Variants in PLCH1 observed in about 807,000 individuals in gnomAD.
The protein encoded by PLCH1 is 1-phosphatidylinositol 4,5-bisphosphate phosphodiesterase eta-1.
Under a neutral mutation model 126.7 loss-of-function variants are expected in PLCH1, and 60 were observed. That is an observed-to-expected ratio of 0.47 (90% CI 0.38 to 0.59). PLCH1 has a LOEUF of 0.59. PLCH1 is among the 20% of genes least tolerant of loss of function. The pLI is 0.00. For synonymous variants in PLCH1, 719 were observed against 734.9 expected (o/e 0.98, Z 0.35); for missense variants, 1,723 against 2,040.0 (o/e 0.84, Z 2.99).
At chr3:155,494,645 A>T in intron 15 of PLCH1, 128 bp from the exon 16 acceptor site, 1 of 715,534 alleles carries the variant, frequency 1.4e-6, no homozygotes, top group Non-Finnish European at 2.3e-6. Context: ...AGTGGATTCA[A>T]CCAGAGTAGA....
At chr3:155,741,687 T>TTATTTTTTTTTTATTTTTA (rs1380144671) in intron 1 of PLCH1, among the ~76,000 whole-genome samples, 45 of 140,542 alleles carry the variant, frequency 3.2e-4, no homozygotes, top group South Asian at 1.3e-3. Context: ...ATATCCTCTT[T>TTATTTTTTTTTTATTTTTA]TTTTTTTTTT....
chr3:155,488,588 C>T (rs1715665464), intron 20 of PLCH1, 72 bp downstream of exon 20: 1 of 1,204,644 alleles, frequency 8.3e-7, no homozygotes, highest in Non-Finnish European at 1.2e-6. Flanking sequence ...ATGTAAGTAA[C>T]ATATCATATA....
intron 8 of PLCH1, among the ~76,000 whole-genome samples, chr3:155,555,802 C>A (rs1231301086): frequency 6.6e-6 from 1 of 152,152 alleles, no homozygotes; most frequent in East Asian, 1.9e-4. Context: ...CCCCACAGAA[C>A]CTCGCTAGCC....
At chr3:155,612,907 T>C (rs1370584284) in intron 2 of PLCH1, among the ~76,000 whole-genome samples, 2 of 43,510 alleles carry the variant, frequency 4.6e-5, no homozygotes, top group South Asian at 1.4e-3. Context: ...AAACTGTGTA[T>C]TAAAAAAAAA....
intron 21 of PLCH1, among the ~76,000 whole-genome samples, chr3:155,466,006 C>A (rs949011404): frequency 6.6e-6 from 1 of 152,202 alleles, no homozygotes; most frequent in Non-Finnish European, 1.5e-5. Context: ...GTTTTTGACT[C>A]CAGTTCCTGA....
intron 4 of PLCH1, among the ~76,000 whole-genome samples, chr3:155,588,566 A>G (rs1041664908): frequency 6.6e-6 from 1 of 152,184 alleles, no homozygotes. Context: ...TCTTTATCGA[A>G]GCCTCTCAAA....
At chr3:155,581,749 C>CTT (rs55649426) in intron 6 of PLCH1, among the ~76,000 whole-genome samples, 4,506 of 141,484 alleles carry the variant, frequency 0.032, 90 homozygotes, top group Non-Finnish European at 0.041. Context: ...CTCTTTTTTC[C>CTT]TTTTTTTTTT....
downstream of PLCH1, among the ~76,000 whole-genome samples, chr3:155,475,736 A>G (rs1056423727): frequency 1.3e-5 from 2 of 152,150 alleles, no homozygotes. Flanking sequence ...ATTTCTAGAT[A>G]TATAAAACCT....
At chr3:155,581,088 G>A (rs1165608043) in intron 6 of PLCH1, among the ~76,000 whole-genome samples, 1 of 152,210 alleles carries the variant, frequency 6.6e-6, no homozygotes, top group East Asian at 1.9e-4. Context: ...AAACACAATT[G>A]TCAAAGTCAT....
intron 10 of PLCH1, among the ~76,000 whole-genome samples, chr3:155,528,981 G>A (rs1013639764): frequency 8.5e-5 from 13 of 152,176 alleles, no homozygotes; most frequent in Non-Finnish European, 1.8e-4. Flanking sequence ...CAGATAGGGA[G>A]AAAAACAATG....
chr3:155,703,464 T>G (rs772393339), intron 2 of PLCH1, among the ~76,000 whole-genome samples: 1 of 152,224 alleles, frequency 6.6e-6, no homozygotes, highest in Non-Finnish European at 1.5e-5. Context: ...TTGACAGAGC[T>G]TATCCCTGAC....
In PLCH1 at chr3:155,506,105, T is replaced by C. The variant is rs577303130; in HGVS notation, c.1633-1479A>G. ...CACCCTATTTAGTAGGAACCTATTA[T>C]ACCCTAAGGATAATGCTAATTGCAT... On this transcript the variant is annotated intron_variant, in intron 12 of 22. Coordinates refer to ENST00000460012, the MANE Select transcript of PLCH1 (RefSeq NM_014996.4). Among the ~76,000 whole-genome samples the C allele has an allele frequency of 1.0e-3, 154 of 152,302 alleles. 1 individual carries two copies. The highest frequency in any genetic ancestry group is 3.6e-3 in the African/African-American group (149 of 41,568).
chr3:155,472,288 T>C (rs1263935664), intron 21 of PLCH1, among the ~76,000 whole-genome samples: 1 of 152,150 alleles, frequency 6.6e-6, no homozygotes, highest in Admixed American at 6.5e-5. Flanking sequence ...CATCAGAGAA[T>C]ACTACAAACA....
chr3:155,718,165 C>A (rs1463091183), intron 1 of PLCH1, among the ~76,000 whole-genome samples: 2 of 152,154 alleles, frequency 1.3e-5, no homozygotes, highest in Non-Finnish European at 2.9e-5. Context: ...GCATAACATG[C>A]ATAACCTTTA....
At chr3:155,678,680 G>T (rs1008837523) in intron 2 of PLCH1, among the ~76,000 whole-genome samples, 49 of 152,178 alleles carry the variant, frequency 3.2e-4, no homozygotes, top group Non-Finnish European at 2.4e-4. Flanking sequence ...GGGGACAATG[G>T]TGCTTCCTCT....
At chr3:155,508,627 T>C in intron 12 of PLCH1, among the ~76,000 whole-genome samples, 1 of 130,514 alleles carries the variant, frequency 7.7e-6, no homozygotes, top group South Asian at 2.7e-4. Context: ...GGTTTTTGTC[T>C]TTGGCTCTGT....
chr3:155,674,707 C>A (rs1199355548), intron 2 of PLCH1, among the ~76,000 whole-genome samples: 1 of 152,046 alleles, frequency 6.6e-6, no homozygotes, highest in Non-Finnish European at 1.5e-5. Context: ...AAACATCTAC[C>A]TTGAAACAAG....
At chr3:155,593,558 T>C (rs1252668180) in intron 4 of PLCH1, among the ~76,000 whole-genome samples, 1 of 152,194 alleles carries the variant, frequency 6.6e-6, no homozygotes, top group Non-Finnish European at 1.5e-5. Context: ...CAAAGTAGGA[T>C]TTTCTCTAAT....
At chr3:155,564,893 A>C in intron 8 of PLCH1, 22 bp downstream of exon 8, 1 of 1,547,490 alleles carries the variant, frequency 6.5e-7, no homozygotes, top group South Asian at 1.1e-5. Flanking sequence ...TACACACCGG[A>C]GCTCAGAAAA....
Sources: gnomAD v4.1 joint callset for allele counts (sites outside exome capture counted in the v4.1 genomes callset) on GRCh38, gnomAD v4.1.1 for gene constraint, MANE v1.5 for transcripts, NCBI Gene and HGNC (gene_info 2026-07-23, HGNC 2026-07-21) for gene names.